The following FNDC1 variants were observed in gnomAD, a reference collection of about 807,000 sequenced individuals.
The protein encoded by FNDC1 is fibronectin type III domain containing 1, also known as fibronectin type III domain-containing protein 1.
FNDC1 carries 96 observed loss-of-function variants against 168.0 expected under a neutral mutation model. The ratio of observed to expected loss-of-function variants is 0.57; its 90% CI spans 0.48 to 0.68. The LOEUF (loss-of-function observed/expected upper bound fraction) is 0.68, where lower values mean the gene tolerates loss of function less well. FNDC1 is among the 30% of genes least tolerant of loss of function. The probability of loss-of-function intolerance (pLI) is 0.00; values close to 1 mark genes in which losing one functional copy is unlikely to be tolerated. For synonymous variants in FNDC1, 1,099 were observed against 1,025.9 expected (o/e 1.07, Z -1.36); for missense variants, 2,587 against 2,482.1 (o/e 1.04, Z -0.90).
rs961089116 is a variant in FNDC1, at chr6:159,268,712, A to G, written c.5569+786A>G. Among the ~76,000 whole-genome samples, 9 of 125,088 alleles carry G rather than the reference A, an allele frequency of 7.2e-5. No individual in the cohort carries two copies. The Admixed American group carries it at 8.1e-4, about 11-fold the overall frequency. 82.1% of individuals were successfully genotyped at this position (125,088 alleles called of 152,430 possible). ...TATCCATCCATCCATCTATCTATCC[A>G]TTTATGCATCCATCTATCTATCTAT... On this transcript the variant is annotated intron_variant, in intron 22 of 22. Transcript: ENST00000297267.
chr6:159,237,661 A>T lies in FNDC1; in HGVS notation c.4069-893A>T, dbSNP rs147574686. On this transcript the variant is annotated intron_variant, in intron 12 of 22. Coordinates refer to ENST00000297267, the MANE Select transcript of FNDC1 (RefSeq NM_032532.3). Reference sequence around the variant, plus strand: ...TATGCTAGCAATTCACATTCATTGCAAGAAGTTAAAACAATTCATATTGAA... The same window carrying T: ...TATGCTAGCAATTCACATTCATTGCTAGAAGTTAAAACAATTCATATTGAA... Among the ~76,000 whole-genome samples the T allele has an allele frequency of 1.7e-4, 26 of 152,364 alleles. No individual in the cohort carries two copies. In the East Asian group the frequency reaches 4.6e-3, roughly 27 times the overall value.
At chr6:159,237,639 G>A (rs370091984) in intron 12 of FNDC1, among the ~76,000 whole-genome samples, 1 of 152,140 alleles carries the variant, frequency 6.6e-6, no homozygotes, top group East Asian at 1.9e-4. Flanking sequence ...TCTTTAATAT[G>A]CTAGCAATTC....
At chr6:159,254,102 G>A (rs1777324983) in intron 17 of FNDC1, among the ~76,000 whole-genome samples, 1 of 152,226 alleles carries the variant, frequency 6.6e-6, no homozygotes, top group East Asian at 1.9e-4. Flanking sequence ...TTGCCCATTT[G>A]TTAGTTGTGT....
At chr6:159,271,296 AC>A (rs1394644353) in intron 22 of FNDC1, 30 bp from the exon 23 acceptor site, 5 of 1,518,676 alleles carry the variant, frequency 3.3e-6, no homozygotes, top group Non-Finnish European at 3.6e-6. Flanking sequence ...GGGGCCTCTG[AC>A]GCTTTTCCCC....
chr6:159,171,938 A>C (rs980141756), intron 1 of FNDC1, among the ~76,000 whole-genome samples: 3 of 152,226 alleles, frequency 2.0e-5, no homozygotes, highest in African/African-American at 4.8e-5. Context: ...TTCACAGTTG[A>C]CATTTGCACT....
rs1777742628 is a variant in FNDC1, at chr6:159,271,338, C to T, written c.5581C>T (p.Gln1861Ter). The change falls in exon 23 of 23, where the codon CAG becomes TAG. Residue 1861 changes from glutamine (Q) to a stop codon, truncating the protein, a stop_gained. Coordinates refer to ENST00000297267, the MANE Select transcript of FNDC1 (RefSeq NM_032532.3). LOFTEE classifies it high-confidence loss of function. ...TGTTGCCCTTCCAGGCTACTATCGC[C>T]AGTATCGTCAGGAGCCTGTCAGGTT... is the stretch of plus-strand genomic sequence containing the variant. ...ALPTIQGYYRQYRQEPVRFGN... is the reference protein window; with the variant it reads ...ALPTIQGYYR 4 of 1,608,724 alleles carry T rather than the reference C, an allele frequency of 2.5e-6. No individual in the cohort carries two copies. Among genetic ancestry groups the T allele is most frequent in the Non-Finnish European group, 3.4e-6 (4 of 1,177,596 alleles).
intron 4 of FNDC1, among the ~76,000 whole-genome samples, chr6:159,203,661 G>T (rs1167858282): frequency 2.6e-5 from 4 of 152,194 alleles, no homozygotes; most frequent in Admixed American, 2.0e-4. Flanking sequence ...CTGTCCCCAG[G>T]GAAGAGATGT....
At chr6:159,218,618 T>A (rs1376782788) in intron 5 of FNDC1, 2 of 152,214 alleles carry the variant, frequency 1.3e-5, no homozygotes, top group Non-Finnish European at 2.9e-5. Flanking sequence ...AGTGGTCGCA[T>A]GTTAAGGAAC....
At position 159,234,500 on chromosome 6, in the gene FNDC1, G is replaced by T. The variant is rs774391342; in HGVS notation, c.3967+21G>T. ...ACAAGGTAGTTTATTTTTTCAAACA[G>T]TCTTTCTTTAAGGTGTTCAGTGGTG... On this transcript the variant is annotated intron_variant, in intron 11 of 22. Transcript: ENST00000297267. 1.4e-5 allele frequency: 22 copies of T among 1,611,032 alleles called. 1 individual carries two copies. Among genetic ancestry groups the T allele is most frequent in the Middle Eastern group, 3.3e-4 (2 of 6,082 alleles).
chr6:159,259,968 G>A (rs1331781396), intron 18 of FNDC1, among the ~76,000 whole-genome samples: 1 of 152,222 alleles, frequency 6.6e-6, no homozygotes, highest in African/African-American at 2.4e-5. Flanking sequence ...GGCCAAGGCT[G>A]TTGGTGCAAT....
rs769778020 is a variant in FNDC1, at chr6:159,239,957, G to A, written c.4621G>A (p.Asp1541Asn). 2.0e-6 allele frequency: 3 copies of A among 1,473,876 alleles called. No individual in the cohort carries two copies. In the South Asian group the frequency reaches 4.1e-5, roughly 20 times the overall value. The allele number at this position is 1,473,876 out of a possible 1,614,324, so 91.3% of individuals were successfully genotyped here. A position where few individuals can be genotyped will look rare whatever the true frequency, so the allele number is the denominator to read the frequency against. The change falls in exon 14 of 23, where the codon GAT becomes AAT. Residue 1541 changes from aspartate to asparagine, a missense_variant and splice_region_variant. Coordinates refer to ENST00000297267, the MANE Select transcript of FNDC1 (RefSeq NM_032532.3). ...NGIPECYAEE[D>N]EFSGLETDTA... is the part of the protein sequence containing the mutation. Reference sequence around the variant, plus strand: ...GATCCCAGAGTGCTACGCTGAAGAAGGTAACTGCCTTTGTTCTAATGCTAA... The same window carrying A: ...GATCCCAGAGTGCTACGCTGAAGAAAGTAACTGCCTTTGTTCTAATGCTAA...
chr6:159,185,074 G>T lies in FNDC1; in HGVS notation c.110-12357G>T, dbSNP rs561452315. ...GGTGGTTTATATGGAGGGTGGGGGG[G>T]GGGGAATCTTGTTTTTGCTCTGAAA... On this transcript the variant is annotated intron_variant, in intron 1 of 22. Transcript: ENST00000297267. Among the ~76,000 whole-genome samples, 14 of 97,646 alleles carry T rather than the reference G, an allele frequency of 1.4e-4. No homozygotes were observed. The East Asian group carries it at 4.8e-3, about 34-fold the overall frequency. The allele number at this position is 97,646 out of a possible 152,430, so 64.1% of individuals were successfully genotyped here. A position where few individuals can be genotyped will look rare whatever the true frequency, so the allele number is the denominator to read the frequency against.
chr6:159,254,419 G>C (rs1462258184), intron 17 of FNDC1, among the ~76,000 whole-genome samples: 2 of 152,090 alleles, frequency 1.3e-5, no homozygotes, highest in Non-Finnish European at 2.9e-5. Flanking sequence ...GCCCCAAATA[G>C]TAAAATCAGA....
chr6:159,252,645 G>A (rs1777294792), intron 17 of FNDC1, among the ~76,000 whole-genome samples: 1 of 152,172 alleles, frequency 6.6e-6, no homozygotes, highest in South Asian at 2.1e-4. Context: ...AGTCTGTGGT[G>A]TTCCAAATAG....
At position 159,215,478 on chromosome 6, in the gene FNDC1, C is replaced by A. The variant is rs542356460; in HGVS notation, c.667+327C>A. ...TCTTGGCTGTTTTTGTCATTTTGTT[C>A]TTTGAAGCTTTGTCTTAGAATCCTA... is the stretch of plus-strand genomic sequence containing the variant. On this transcript the variant is annotated intron_variant, in intron 5 of 22. Coordinates refer to ENST00000297267, the MANE Select transcript of FNDC1 (RefSeq NM_032532.3). 8.5e-5 allele frequency among the ~76,000 whole-genome samples: 13 copies of A among 152,278 alleles called. No individual in the cohort carries two copies. In the East Asian group the frequency reaches 2.5e-3, roughly 29 times the overall value.
At chr6:159,221,816 AGGGCAAATGT>A (rs1285434491) in intron 6 of FNDC1, 120 bp downstream of exon 6, 1 of 827,590 alleles carries the variant, frequency 1.2e-6, no homozygotes, top group Non-Finnish European at 2.0e-6. Context: ...AAGAAATAAC[AGGGCAAATGT>A]GGTCACATTT....
chr6:159,180,326 A>G (rs1299276681), intron 1 of FNDC1, among the ~76,000 whole-genome samples: 1 of 152,192 alleles, frequency 6.6e-6, no homozygotes, highest in East Asian at 1.9e-4. Flanking sequence ...TTAACTCTGT[A>G]AGACTGTATT....
intron 1 of FNDC1, among the ~76,000 whole-genome samples, chr6:159,180,147 C>T (rs886457754): frequency 3.3e-5 from 5 of 152,202 alleles, no homozygotes; most frequent in African/African-American, 1.2e-4. Context: ...GCCAGTCATG[C>T]TCTCTTGGAA....
rs554144378 is a variant in FNDC1 at position 159,221,521 on chromosome 6, C to A, written c.668-77C>A. 21 of 1,158,456 alleles carry A rather than the reference C, an allele frequency of 1.8e-5. No individual in the cohort carries two copies. The African/African-American group carries it at 2.7e-4, about 15-fold the overall frequency. The allele number at this position is 1,158,456 out of a possible 1,614,324, so 71.8% of individuals were successfully genotyped here. ...GGGAAGGGGAGGAGGAATGCAGAAC[C>A]CCCGCTCCAGCCCCAGGGGATGTGT... On this transcript the variant is annotated intron_variant, in intron 5 of 22. Coordinates refer to ENST00000297267, the MANE Select transcript of FNDC1 (RefSeq NM_032532.3).
Sources: gnomAD v4.1 joint callset for allele counts (sites outside exome capture counted in the v4.1 genomes callset) on GRCh38, gnomAD v4.1.1 for gene constraint, MANE v1.5 for transcripts, NCBI Gene and HGNC (gene_info 2026-07-23, HGNC 2026-07-21) for gene names.